The following RXFP2 variants were observed in gnomAD, a reference collection of about 807,000 sequenced individuals.
RXFP2 encodes the protein relaxin family peptide receptor 2.
A neutral mutation model predicts 88.6 loss-of-function variants in RXFP2; 68 were observed. That is an observed-to-expected ratio of 0.77 (90% CI 0.63 to 0.94). The LOEUF is 0.94. Among genes scored for constraint, RXFP2 ranks in the 40% least tolerant of loss-of-function variants. The pLI is 0.00. For missense variants in RXFP2, 791 were observed against 893.9 expected, an observed-to-expected ratio of 0.88 and a Z score of 1.47; for synonymous variants, 329 against 306.8, an observed-to-expected ratio of 1.07 and a Z score of -0.76.
chr13:31,773,778 G>A (rs999500360), intron 5 of RXFP2, among the ~76,000 whole-genome samples: 1 of 152,138 alleles, frequency 6.6e-6, no homozygotes, highest in Non-Finnish European at 1.5e-5. Context: ...TTTTGCAGTA[G>A]AATATCATAA....
chr13:31,778,028 C>G (rs565272372), intron 8 of RXFP2, among the ~76,000 whole-genome samples: 126 of 152,220 alleles, frequency 8.3e-4, no homozygotes, highest in African/African-American at 2.8e-3. Context: ...TAAATTAATC[C>G]TGCAGCTTAA....
chr13:31,797,135 T>C, intron 16 of RXFP2, 66 bp from the exon 17 acceptor site: 1 of 1,133,408 alleles, frequency 8.8e-7, no homozygotes, highest in South Asian at 1.2e-5. Flanking sequence ...ATACTCAACC[T>C]GTACCACAGT....
At chr13:31,755,337 TAA>T (rs1277023226) in intron 1 of RXFP2, among the ~76,000 whole-genome samples, 1 of 152,102 alleles carries the variant, frequency 6.6e-6, no homozygotes, top group Non-Finnish European at 1.5e-5. Context: ...CACATAACTT[TAA>T]AAGAGTGATA....
intron 13 of RXFP2, among the ~76,000 whole-genome samples, chr13:31,787,219 T>G (rs1417296909): frequency 6.6e-6 from 1 of 152,236 alleles, no homozygotes; most frequent in East Asian, 1.9e-4. Context: ...AAAGGTTGTT[T>G]GTTTTCACAC....
chr13:31,741,353 ATTTCT>A lies in RXFP2; in HGVS notation c.94+1652_94+1656del, dbSNP rs1414239820. 1.3e-4 allele frequency among the ~76,000 whole-genome samples: 20 copies of A among 152,120 alleles called. No homozygotes were observed. The East Asian group carries it at 3.3e-3, about 25-fold the overall frequency. On this transcript the variant is annotated intron_variant, in intron 1 of 17. Transcript: ENST00000298386. ...AATTTAAACCTTTATGTTTAAAATG[ATTTCT>A]TTTCAAAGCAAGACACATTAATCAA...
intron 17 of RXFP2, 29 bp from the exon 18 acceptor site, chr13:31,802,117 T>A: frequency 2.4e-5 from 38 of 1,613,044 alleles, no homozygotes; most frequent in Non-Finnish European, 3.1e-5. Context: ...AACTTCAACT[T>A]TTTTTTCACA....
chr13:31,759,125 T>C (rs61946569), intron 2 of RXFP2, among the ~76,000 whole-genome samples: 27,255 of 150,932 alleles, frequency 0.18, 2,412 homozygotes, highest in Middle Eastern at 0.23. Context: ...ACTGAGTGCC[T>C]GCTATGTGCC....
chr13:31,757,326 G>A (rs1350890760), intron 1 of RXFP2, among the ~76,000 whole-genome samples: 2 of 152,160 alleles, frequency 1.3e-5, no homozygotes, highest in African/African-American at 2.4e-5. Flanking sequence ...ACAAACCACT[G>A]CACACAAGAT....
chr13:31,770,326 T>G (rs1241953850), intron 5 of RXFP2, among the ~76,000 whole-genome samples: 1 of 152,228 alleles, frequency 6.6e-6, no homozygotes, highest in Admixed American at 6.5e-5. Flanking sequence ...TCTTTTACTT[T>G]CCAGCTGCTC....
chr13:31,784,440 C>T (rs978916156), intron 11 of RXFP2, among the ~76,000 whole-genome samples: 4 of 152,180 alleles, frequency 2.6e-5, no homozygotes, highest in African/African-American at 9.7e-5. Flanking sequence ...GGAATAAGCA[C>T]AAGTACTTGA....
intron 5 of RXFP2, among the ~76,000 whole-genome samples, chr13:31,774,001 C>G (rs939853684): frequency 1.3e-5 from 2 of 152,128 alleles, no homozygotes; most frequent in Non-Finnish European, 2.9e-5. Flanking sequence ...CTCCTGACAG[C>G]GCAATTACGG....
At chr13:31,781,869 A>G (rs1437998347) in intron 10 of RXFP2, 127 bp downstream of exon 10, 2 of 706,138 alleles carry the variant, frequency 2.8e-6, no homozygotes, top group Admixed American at 2.4e-5. Context: ...CTGCAGTGCT[A>G]GAAAATGCAC....
intron 9 of RXFP2, among the ~76,000 whole-genome samples, chr13:31,780,305 T>C (rs1873206632): frequency 6.6e-6 from 1 of 152,198 alleles, no homozygotes; most frequent in South Asian, 2.1e-4. Flanking sequence ...AGAAAACCTG[T>C]CCTGGGGAGG....
intron 17 of RXFP2, among the ~76,000 whole-genome samples, chr13:31,799,251 G>T (rs866621471): frequency 6.6e-6 from 1 of 150,870 alleles, no homozygotes; most frequent in African/African-American, 2.4e-5. Context: ...TCGCTCTGTT[G>T]CCCAGGCTGG....
intron 17 of RXFP2, among the ~76,000 whole-genome samples, chr13:31,801,007 AAAG>A (rs1874309542): frequency 6.6e-6 from 1 of 152,136 alleles, no homozygotes; most frequent in Non-Finnish European, 1.5e-5. Flanking sequence ...GATCAAAGGA[AAAG>A]AAGAAGGAAG....
At chr13:31,743,243 C>G (rs1871282025) in intron 1 of RXFP2, among the ~76,000 whole-genome samples, 1 of 151,984 alleles carries the variant, frequency 6.6e-6, no homozygotes, top group African/African-American at 2.4e-5. Context: ...GGGAGGCAAG[C>G]AGATCACTGA....
At position 31,792,765 on chromosome 13, in the gene RXFP2, T is replaced by C. The variant is rs1352661108; in HGVS notation, c.1463T>C (p.Leu488Pro). ...YRGQYQKYALLWMESVQCRLM... is the reference protein window; with the variant it reads ...YRGQYQKYALPWMESVQCRLM... ...GGGCAGTATCAGAAGTATGCCTTGC[T>C]GTGGATGGAGAGCGTGCAGTGCCGC... Residue 488 changes from leucine to proline, a missense_variant, in exon 16 of 18, where the codon CTG becomes CCG. Physicochemically the swap from Leu to Pro is moderately conservative, Grantham distance 98. Coordinates refer to ENST00000298386, the MANE Select transcript of RXFP2 (RefSeq NM_130806.5). 2 of 1,614,034 alleles carry C rather than the reference T, an allele frequency of 1.2e-6. No homozygotes were observed. The highest frequency in any genetic ancestry group is 1.7e-6 in the Non-Finnish European group (2 of 1,180,030).
chr13:31,743,432 T>A (rs894778572), intron 1 of RXFP2, among the ~76,000 whole-genome samples: 2 of 151,410 alleles, frequency 1.3e-5, no homozygotes, highest in Non-Finnish European at 2.9e-5. Flanking sequence ...TGCGCCACTG[T>A]ACTCCAGCCT....
intron 5 of RXFP2, among the ~76,000 whole-genome samples, chr13:31,772,124 A>C (rs964411214): frequency 2.6e-5 from 4 of 152,210 alleles, no homozygotes; most frequent in African/African-American, 9.7e-5. Context: ...ATGACCTTTC[A>C]GGGAAATAAA....
Sources: allele counts gnomAD v4.1 joint callset (sites outside exome capture counted in the v4.1 genomes callset), GRCh38; gene constraint gnomAD v4.1.1; transcripts MANE v1.5; gene names NCBI Gene and HGNC (gene_info 2026-07-23, HGNC 2026-07-21).